STAB2: variants seen among roughly 807,000 people sequenced by gnomAD.
STAB2 encodes the protein stabilin-2.
In STAB2, 288 loss-of-function variants were observed where a neutral mutation model predicts 338.1. That is an observed-to-expected ratio of 0.85 (90% CI 0.77 to 0.94). The LOEUF is 0.94. Among genes scored for constraint, STAB2 ranks in the 40% least tolerant of loss-of-function variants. The pLI is 0.00. For missense variants in STAB2, 3,141 were observed against 3,210.1 expected, an observed-to-expected ratio of 0.98 and a Z score of 0.52; for synonymous variants, 1,202 against 1,193.3, an observed-to-expected ratio of 1.01 and a Z score of -0.15.
chr12:103,662,203 C>A (rs1465737509), intron 17 of STAB2, among the ~76,000 whole-genome samples: 1 of 152,024 alleles, frequency 6.6e-6, no homozygotes, highest in Non-Finnish European at 1.5e-5. Flanking sequence ...TTGCACCAAC[C>A]TAATATTCTG....
At chr12:103,630,071 T>A (rs1390990234) in intron 5 of STAB2, among the ~76,000 whole-genome samples, 1 of 152,206 alleles carries the variant, frequency 6.6e-6, no homozygotes, top group Non-Finnish European at 1.5e-5. Flanking sequence ...TGGTTGGTAA[T>A]TGAGAGTCAT....
At chr12:103,739,570 T>TGTGTGTGTGTGC (rs1566063854) in intron 54 of STAB2, 102 bp downstream of exon 54, 2 of 822,708 alleles carry the variant, frequency 2.4e-6, no homozygotes, top group African/African-American at 3.8e-5. Context: ...TGTGTGTGTG[T>TGTGTGTGTGTGC]GTGCCCGTGC....
chr12:103,739,423 G>C lies in STAB2; in HGVS notation c.5709G>C (p.Gly1903=). The C allele has an allele frequency of 1.3e-6, 2 of 1,592,426 alleles. No individual in the cohort carries two copies. The highest frequency in any genetic ancestry group is 1.7e-6 in the Non-Finnish European group (2 of 1,169,850). ...FTTFDASGEC[G]SCVNTPSCPR... The stretch of plus-strand genomic sequence containing the variant: ...TTCTTGCATACTAGGGGGAGTGTGG[G>C]AGCTGTGTCAATACTCCCAGCTGCC... Residue 1903 remains glycine, a synonymous_variant, in exon 54 of 69, where the codon GGG becomes GGC. Transcript: ENST00000388887.
At chr12:103,709,429 A>G (rs1879652432) in intron 39 of STAB2, among the ~76,000 whole-genome samples, 1 of 152,248 alleles carries the variant, frequency 6.6e-6, no homozygotes, top group Non-Finnish European at 1.5e-5. Context: ...CAAGGGAGCA[A>G]TATGATCGTA....
chr12:103,739,335 C>G lies in STAB2; in HGVS notation c.5698-77C>G, dbSNP rs182387189. 490 of 1,343,680 alleles carry G rather than the reference C, an allele frequency of 3.6e-4. 2 individuals are homozygous for G. The African/African-American group carries it at 6.3e-3, about 17-fold the overall frequency. 83.2% of individuals were successfully genotyped at this position (1,343,680 alleles called of 1,614,324 possible). ...AAGATTAGTTAAGCCCTTAATCCAT[C>G]CAGGTATTAATCAGGAACATTTCCT... On this transcript the variant is annotated intron_variant, in intron 53 of 68. Coordinates refer to ENST00000388887, the MANE Select transcript of STAB2 (RefSeq NM_017564.10).
intron 51 of STAB2, 139 bp from the exon 52 acceptor site, chr12:103,735,352 A>C (rs1033768704): frequency 2.0e-5 from 11 of 552,144 alleles, no homozygotes; most frequent in Non-Finnish European, 3.2e-5. Flanking sequence ...GGTTATACCT[A>C]CGGTCATTTG....
chr12:103,637,169 T>G lies in STAB2; in HGVS notation c.642T>G (p.Thr214=), dbSNP rs925810003. The G allele has an allele frequency of 1.4e-5, 23 of 1,612,830 alleles. No individual in the cohort carries two copies. The South Asian group carries it at 1.9e-4, about 13-fold the overall frequency. ...AAAATTCCAGATGTTCGCCTTCCAC[T>G]GAAGATGAAAACAAACTGGAATGCA... The part of the protein sequence containing the change: ...CPENSRCSPS[T]EDENKLECKC... Residue 214 remains threonine (T), a synonymous_variant, in exon 7 of 69, where the codon ACT becomes ACG. Transcript: ENST00000388887.
At chr12:103,753,950 G>T (rs759284514) in intron 61 of STAB2, among the ~76,000 whole-genome samples, 1 of 152,166 alleles carries the variant, frequency 6.6e-6, no homozygotes, top group Non-Finnish European at 1.5e-5. Context: ...GGAAGGAAAC[G>T]GAGCTCTTTG....
intron 3 of STAB2, among the ~76,000 whole-genome samples, chr12:103,605,529 GACT>G (rs1289730206): frequency 6.6e-6 from 1 of 151,668 alleles, no homozygotes; most frequent in Non-Finnish European, 1.5e-5. Flanking sequence ...ATAATTTTAA[GACT>G]ACTTGTTCTA....
intron 19 of STAB2, among the ~76,000 whole-genome samples, chr12:103,667,609 C>A (rs1219655793): frequency 6.6e-6 from 1 of 152,132 alleles, no homozygotes; most frequent in Admixed American, 6.5e-5. Flanking sequence ...ATCACCCATC[C>A]CGGGAATCCT....
At chr12:103,689,116 A>G (rs1371534897) in intron 28 of STAB2, among the ~76,000 whole-genome samples, 1 of 152,080 alleles carries the variant, frequency 6.6e-6, no homozygotes, top group Non-Finnish European at 1.5e-5. Context: ...GTTTTATTTC[A>G]GCCCTCTACT....
intron 54 of STAB2, 92 bp from the exon 55 acceptor site, chr12:103,740,538 T>C: frequency 1.3e-6 from 2 of 1,504,266 alleles, no homozygotes; most frequent in Non-Finnish European, 1.8e-6. Flanking sequence ...ATTTGGGCAG[T>C]ACCTAAGACC....
intron 3 of STAB2, among the ~76,000 whole-genome samples, chr12:103,602,973 A>G (rs1956975325): frequency 6.6e-6 from 1 of 152,182 alleles, no homozygotes; most frequent in Non-Finnish European, 1.5e-5. Flanking sequence ...ACCTCATATC[A>G]CAAAGATTTT....
In STAB2 at chr12:103,640,014, A is replaced by C. The variant is rs926163640; in HGVS notation, c.907-109A>C. On this transcript the variant is annotated intron_variant, in intron 8 of 68. Coordinates refer to ENST00000388887, the MANE Select transcript of STAB2 (RefSeq NM_017564.10). ...TTTAGTTTAAGTCCACACTTCAGAC[A>C]TACTCTGAGTGAGTTTTTATGGAAG... The C allele has an allele frequency of 1.7e-5, 23 of 1,363,332 alleles. 1 individual carries two copies. Among genetic ancestry groups the C allele is most frequent in the Non-Finnish European group, 5.0e-6 (5 of 1,008,920 alleles). 84.5% of individuals were successfully genotyped at this position (1,363,332 alleles called of 1,614,324 possible).
chr12:103,610,115 C>T (rs993989444), intron 3 of STAB2, among the ~76,000 whole-genome samples: 17 of 151,762 alleles, frequency 1.1e-4, no homozygotes, highest in Admixed American at 4.6e-4. Flanking sequence ...ATTTTTGCAT[C>T]GATGTTCATC....
At chr12:103,712,540 G>A (rs911433678) in intron 41 of STAB2, 97 bp downstream of exon 41, 17 of 899,216 alleles carry the variant, frequency 1.9e-5, no homozygotes, top group Non-Finnish European at 3.1e-5. Flanking sequence ...CTCAGCAGCT[G>A]GTGCCAACCA....
At chr12:103,625,104 G>A (rs914073587) in intron 5 of STAB2, among the ~76,000 whole-genome samples, 2 of 152,100 alleles carry the variant, frequency 1.3e-5, no homozygotes, top group South Asian at 2.1e-4. Context: ...AAATCACATA[G>A]GCTAAATAAA....
intron 60 of STAB2, among the ~76,000 whole-genome samples, chr12:103,753,017 C>T (rs1016941273): frequency 6.6e-6 from 1 of 152,176 alleles, no homozygotes; most frequent in African/African-American, 2.4e-5. Flanking sequence ...GCCCTAATTT[C>T]TACAATGAAC....
rs1260278426 is a variant in STAB2, at chr12:103,752,399, G to A, written c.6581-821G>A. ...AATATGTTCAAACGAGAAAAACTTA[G>A]TCTTCTTTGGTGTAGAAAGTATCAT... On this transcript the variant is annotated intron_variant, in intron 60 of 68. Coordinates refer to ENST00000388887, the MANE Select transcript of STAB2 (RefSeq NM_017564.10). Among the ~76,000 whole-genome samples, 4 of 152,138 alleles carry A rather than the reference G, an allele frequency of 2.6e-5. No individual in the cohort carries two copies. The East Asian group carries it at 7.7e-4, about 29-fold the overall frequency.
Sources: allele counts gnomAD v4.1 joint callset (sites outside exome capture counted in the v4.1 genomes callset), GRCh38; gene constraint gnomAD v4.1.1; transcripts MANE v1.5; gene names NCBI Gene and HGNC (gene_info 2026-07-23, HGNC 2026-07-21).